Variants in UBE2G1 observed in about 807,000 individuals in gnomAD.
UBE2G1 encodes ubiquitin conjugating enzyme E2 G1, also known as ubiquitin-conjugating enzyme E2 G1.
A neutral mutation model predicts 22.7 loss-of-function variants in UBE2G1; 5 were observed. That is an observed-to-expected ratio of 0.22 (90% CI 0.12 to 0.46). The LOEUF (loss-of-function observed/expected upper bound fraction) is 0.46, where lower values mean the gene tolerates loss of function less well. Among genes scored for constraint, UBE2G1 ranks in the 20% least tolerant of loss-of-function variants. UBE2G1 has a pLI of 0.99. For synonymous variants in UBE2G1, 74 were observed against 67.5 expected, an observed-to-expected ratio of 1.10 and a Z score of -0.47; for missense variants, 88 against 203.9, an observed-to-expected ratio of 0.43 and a Z score of 3.46.
chr17:4,273,256 G>C (rs1012499218), intron 5 of UBE2G1, among the ~76,000 whole-genome samples: 3 of 152,166 alleles, frequency 2.0e-5, no homozygotes. Flanking sequence ...CATTATGAAG[G>C]AGTCTCCCCT....
intron 1 of UBE2G1, among the ~76,000 whole-genome samples, chr17:4,314,178 C>A (rs1487979109): frequency 1.3e-5 from 2 of 152,130 alleles, no homozygotes; most frequent in Non-Finnish European, 2.9e-5. Flanking sequence ...ATGAATTTAT[C>A]ACTAAAACGG....
intron 3 of UBE2G1, among the ~76,000 whole-genome samples, 183 bp from the exon 4 acceptor site, chr17:4,289,591 A>G (rs1047750019): frequency 1.3e-5 from 2 of 152,252 alleles, no homozygotes; most frequent in Admixed American, 1.3e-4. Context: ...ATTGTACTAC[A>G]TACACAGGAT....
In UBE2G1 at chr17:4,295,850, A is replaced by G. The variant is rs535743925; in HGVS notation, c.247+867T>C. Among the ~76,000 whole-genome samples the G allele has an allele frequency of 1.3e-4, 19 of 149,940 alleles. No individual in the cohort carries two copies. In the South Asian group the frequency reaches 3.9e-3, roughly 31 times the overall value. On this transcript the variant is annotated intron_variant, in intron 3 of 5. Coordinates refer to ENST00000396981, the MANE Select transcript of UBE2G1 (RefSeq NM_003342.5). Reference sequence around the variant, plus strand: ...AGAGTCCAGTGGCAGCTGGCTAGGCAGGAGAACTGCCACCGTGTGGATTTG... The same window carrying G: ...AGAGTCCAGTGGCAGCTGGCTAGGCGGGAGAACTGCCACCGTGTGGATTTG...
intron 4 of UBE2G1, among the ~76,000 whole-genome samples, chr17:4,283,399 C>T (rs1598179213): frequency 6.6e-6 from 1 of 152,150 alleles, no homozygotes; most frequent in East Asian, 1.9e-4. Flanking sequence ...ACTCAGGAGG[C>T]TGAGGCAGGA....
In UBE2G1 at chr17:4,340,090, T is replaced by C. The variant is rs535316016; in HGVS notation, c.46+26181A>G. Reference sequence around the variant, plus strand: ...GGGAACACAGGTGCATATGGCTTTTTTTAACTGTTTGTAGAGACAGGGTCT... The same window carrying C: ...GGGAACACAGGTGCATATGGCTTTTCTTAACTGTTTGTAGAGACAGGGTCT... On this transcript the variant is annotated intron_variant, in intron 1 of 5. Transcript: ENST00000396981. Among the ~76,000 whole-genome samples the C allele has an allele frequency of 5.3e-5, 8 of 152,226 alleles. No individual in the cohort carries two copies. The East Asian group carries it at 1.4e-3, about 26-fold the overall frequency.
chr17:4,290,200 CGTA>C (rs1567515986), intron 3 of UBE2G1, among the ~76,000 whole-genome samples: 1 of 151,804 alleles, frequency 6.6e-6, no homozygotes, highest in African/African-American at 2.4e-5. Context: ...ATTTACCCAC[CGTA>C]AATTTTTTTA....
At chr17:4,335,580 G>A (rs961024332) in intron 1 of UBE2G1, among the ~76,000 whole-genome samples, 18 of 152,152 alleles carry the variant, frequency 1.2e-4, no homozygotes, top group Non-Finnish European at 2.1e-4. Context: ...TAAAGCTATA[G>A]CTTTATAATA....
At chr17:4,302,428 G>A in intron 2 of UBE2G1, 1 of 506,060 alleles carries the variant, frequency 2.0e-6, no homozygotes, top group Non-Finnish European at 4.0e-6. Flanking sequence ...TTGGCCAACA[G>A]TGGCATCTGT....
rs917150301 is a variant in UBE2G1, at chr17:4,274,525, T to A, written c.*38-2009A>T. Among the ~76,000 whole-genome samples, 3 of 152,008 alleles carry A rather than the reference T, an allele frequency of 2.0e-5. No homozygotes were observed. In the East Asian group the frequency reaches 5.8e-4, roughly 30 times the overall value. ...TTGATCTATCTTACAATCACTCAAATGCAACCATACCAAAAGCTCTGTTGT... is the reference window on the plus strand; with the variant it reads ...TTGATCTATCTTACAATCACTCAAAAGCAACCATACCAAAAGCTCTGTTGT... On this transcript the variant is annotated intron_variant, in intron 5 of 5. Coordinates refer to ENST00000396981, the MANE Select transcript of UBE2G1 (RefSeq NM_003342.5).
Position 4,339,668 on chromosome 17 carries a change from A to G in UBE2G1, c.46+26603T>C, listed in dbSNP as rs182043704. Reference sequence around the variant, plus strand: ...GGAGTTCGAGACCAGCCTGACCAACATGGAAAAACCATGCCTCTATTAAAA... The same window carrying G: ...GGAGTTCGAGACCAGCCTGACCAACGTGGAAAAACCATGCCTCTATTAAAA... On this transcript the variant is annotated intron_variant, in intron 1 of 5. Transcript: ENST00000396981. 1.7e-3 allele frequency among the ~76,000 whole-genome samples: 257 copies of G among 152,242 alleles called. 4 individuals are homozygous for G. Among genetic ancestry groups the G allele is most frequent in the Admixed American group, 0.015 (232 of 15,298 alleles).
At chr17:4,303,515 C>A (rs1473292883) in intron 2 of UBE2G1, among the ~76,000 whole-genome samples, 2 of 152,128 alleles carry the variant, frequency 1.3e-5, no homozygotes, top group South Asian at 4.1e-4. Flanking sequence ...CAAAGTCACT[C>A]AACTAAGAAG....
intron 1 of UBE2G1, among the ~76,000 whole-genome samples, chr17:4,324,202 A>G (rs1335687793): frequency 1.3e-5 from 2 of 152,144 alleles, no homozygotes; most frequent in Non-Finnish European, 2.9e-5. Flanking sequence ...CCCTCCCCCA[A>G]AATGTTTACA....
chr17:4,313,537 C>T (rs1969334755), intron 1 of UBE2G1, among the ~76,000 whole-genome samples: 1 of 152,076 alleles, frequency 6.6e-6, no homozygotes, highest in Non-Finnish European at 1.5e-5. Flanking sequence ...CTCTTTCTCA[C>T]AAAAGTCATG....
chr17:4,335,557 G>T (rs976838242), intron 1 of UBE2G1, among the ~76,000 whole-genome samples: 10 of 152,184 alleles, frequency 6.6e-5, no homozygotes, highest in African/African-American at 2.4e-4. Flanking sequence ...AAACATAATA[G>T]ATTTAAATAT....
At chr17:4,282,508 A>G (rs1968906564) in intron 5 of UBE2G1, among the ~76,000 whole-genome samples, 1 of 152,230 alleles carries the variant, frequency 6.6e-6, no homozygotes, top group African/African-American at 2.4e-5. Context: ...TCAAACAAAG[A>G]AACTAAACTG....
chr17:4,343,138 T>C (rs1415361321), intron 1 of UBE2G1, among the ~76,000 whole-genome samples: 1 of 152,224 alleles, frequency 6.6e-6, no homozygotes, highest in Admixed American at 6.5e-5. Flanking sequence ...TGTTCTTTAA[T>C]GTACTGCTAT....
intron 1 of UBE2G1, among the ~76,000 whole-genome samples, chr17:4,312,367 C>T (rs370453571): frequency 1.6e-4 from 24 of 151,932 alleles, no homozygotes; most frequent in African/African-American, 4.4e-4. Flanking sequence ...GGGATGTAAC[C>T]GAATGAATTC....
intron 1 of UBE2G1, among the ~76,000 whole-genome samples, chr17:4,320,739 G>A (rs892401163): frequency 6.6e-6 from 1 of 152,096 alleles, no homozygotes; most frequent in African/African-American, 2.4e-5. Flanking sequence ...ACAATTTGCT[G>A]TGTATTCTTT....
chr17:4,351,818 C>T (rs1969847736), intron 1 of UBE2G1, among the ~76,000 whole-genome samples: 1 of 152,108 alleles, frequency 6.6e-6, no homozygotes, highest in Non-Finnish European at 1.5e-5. Flanking sequence ...TCTATATAAA[C>T]CTTAAATAAG....
Sources: gnomAD v4.1 joint callset for allele counts (sites outside exome capture counted in the v4.1 genomes callset) on GRCh38, gnomAD v4.1.1 for gene constraint, MANE v1.5 for transcripts, NCBI Gene and HGNC (gene_info 2026-07-23, HGNC 2026-07-21) for gene names.